Variants in C1D observed in about 807,000 individuals in gnomAD.
The protein encoded by C1D is C1D nuclear receptor corepressor.
In C1D, 10 loss-of-function variants were observed where a neutral mutation model predicts 17.5. The ratio of observed to expected loss-of-function variants is 0.57; its 90% CI spans 0.35 to 0.97. C1D has a LOEUF of 0.97. C1D is among the 50% of genes least tolerant of loss of function. The pLI is 0.01. For missense variants in C1D, 136 were observed against 160.1 expected (o/e 0.85, Z 0.81); for synonymous variants, 49 against 54.0 (o/e 0.91, Z 0.40).
At chr2:68,046,194 T>C in intron 3 of C1D, 150 bp downstream of exon 3, 1 of 786,804 alleles carries the variant, frequency 1.3e-6, no homozygotes, top group Non-Finnish European at 2.1e-6. Flanking sequence ...AATCTATGTG[T>C]GGCTCACTGG....
chr2:68,053,257 G>A, intron 1 of C1D: 1 of 1,494,670 alleles, frequency 6.7e-7, no homozygotes, highest in Non-Finnish European at 9.0e-7. Flanking sequence ...AACCCTAACA[G>A]ATGTTACTGC....
intron 4 of C1D, 125 bp from the exon 5 acceptor site, chr2:68,043,178 C>A: frequency 1.5e-6 from 1 of 672,254 alleles, no homozygotes; most frequent in Non-Finnish European, 2.4e-6. Flanking sequence ...GTGCATGGTG[C>A]TAGGAAATGC....
chr2:68,059,750 T>A (rs1345791634), intron 1 of C1D, among the ~76,000 whole-genome samples: 1 of 152,200 alleles, frequency 6.6e-6, no homozygotes, highest in African/African-American at 2.4e-5. Context: ...TCAGTCTGTC[T>A]CATTTGGTGG....
rs545745554 is a variant in C1D at position 68,056,659 on chromosome 2, T to C, written c.-10+6299A>G. On this transcript the variant is annotated intron_variant, in intron 1 of 4. Coordinates refer to ENST00000410067, the MANE Select transcript of C1D (RefSeq NM_173177.3). ...AAATAATCCAGATGACCAATAAGCA[T>C]AAAGAAAGCTACTCAGCCTTACTGA... Among the ~76,000 whole-genome samples the C allele has an allele frequency of 1.6e-4, 25 of 151,966 alleles. 1 individual carries two copies. In the South Asian group the frequency reaches 5.0e-3, roughly 30 times the overall value.
chr2:68,042,030 A>G lies in C1D; in HGVS notation c.*859T>C, dbSNP rs1421982360. On this transcript the variant is annotated 3_prime_UTR_variant, in exon 5 of 5. Transcript: ENST00000410067. ...CAAAACACTTGTATGTACTTGATACAGCCTCAAAAACATGAAATAAAAAAA... is the reference window on the plus strand; with the variant it reads ...CAAAACACTTGTATGTACTTGATACGGCCTCAAAAACATGAAATAAAAAAA... 1.3e-5 allele frequency: 2 copies of G among 152,070 alleles called. No individual in the cohort carries two copies. Among genetic ancestry groups the G allele is most frequent in the African/African-American group, 4.8e-5 (2 of 41,442 alleles). The allele number at this position is 152,070 out of a possible 1,614,324, so 9.4% of individuals were successfully genotyped here.
intron 1 of C1D, among the ~76,000 whole-genome samples, chr2:68,048,614 G>A (rs954943088): frequency 7.9e-5 from 12 of 151,844 alleles, no homozygotes; most frequent in African/African-American, 2.7e-4. Context: ...GAGACATTTG[G>A]TTTCATTAAA....
intron 1 of C1D, among the ~76,000 whole-genome samples, chr2:68,058,980 G>A (rs2103817209): frequency 6.6e-6 from 1 of 152,290 alleles, no homozygotes; most frequent in Admixed American, 6.5e-5. Flanking sequence ...CCCTCTACTT[G>A]GAATACCCGT....
chr2:68,051,729 C>T (rs1197320465), intron 1 of C1D, among the ~76,000 whole-genome samples: 1 of 151,940 alleles, frequency 6.6e-6, no homozygotes, highest in Non-Finnish European at 1.5e-5. Context: ...TCCTCCCTTA[C>T]CAATACCTTC....
rs949223784 is a variant in C1D, at chr2:68,042,966, A to G, written c.349T>C (p.Phe117Leu). The G allele has an allele frequency of 6.2e-7, 1 of 1,610,880 alleles. No individual in the cohort carries two copies. Among genetic ancestry groups the G allele is most frequent in the African/African-American group, 1.3e-5 (1 of 74,532 alleles). ...GKLDRGAASRFVKNALWEPKS... is the reference protein window; with the variant it reads ...GKLDRGAASRLVKNALWEPKS... Reference sequence around the variant, plus strand: ...GGTTCCCAGAGGGCATTTTTTACAAATCTTGAAGCTGCACCTCTGTCCAGC... The same window carrying G: ...GGTTCCCAGAGGGCATTTTTTACAAGTCTTGAAGCTGCACCTCTGTCCAGC... Residue 117 changes from phenylalanine (F) to leucine (L), a missense_variant, in exon 5 of 5, where the codon TTT becomes CTT. Coordinates refer to ENST00000410067, the MANE Select transcript of C1D (RefSeq NM_173177.3).
At position 68,056,747 on chromosome 2, in the gene C1D, T is replaced by C. The variant is rs534567653; in HGVS notation, c.-10+6211A>G. Among the ~76,000 whole-genome samples, 4 of 152,112 alleles carry C rather than the reference T, an allele frequency of 2.6e-5. No homozygotes were observed. The South Asian group carries it at 6.2e-4, about 24-fold the overall frequency. Reference sequence around the variant, plus strand: ...TTTTCATCTGTCAAATAGGGAAAAATTAAAAAGATTAATAGTACTAAAATG... The same window carrying C: ...TTTTCATCTGTCAAATAGGGAAAAACTAAAAAGATTAATAGTACTAAAATG... On this transcript the variant is annotated intron_variant, in intron 1 of 4. Transcript: ENST00000410067.
chr2:68,057,105 T>C (rs993879316), intron 1 of C1D, among the ~76,000 whole-genome samples: 3 of 152,180 alleles, frequency 2.0e-5, no homozygotes, highest in Non-Finnish European at 2.9e-5. Context: ...TCCTAAGATA[T>C]ATTAAGTGAA....
intron 1 of C1D, among the ~76,000 whole-genome samples, chr2:68,056,765 C>T (rs752621932): frequency 6.6e-6 from 1 of 152,220 alleles, no homozygotes; most frequent in South Asian, 2.1e-4. Context: ...ATTAATAGTA[C>T]TAAAATGGAC....
intron 1 of C1D, among the ~76,000 whole-genome samples, chr2:68,054,278 A>G (rs1336165946): frequency 5.3e-5 from 8 of 152,238 alleles, no homozygotes; most frequent in South Asian, 2.1e-4. Flanking sequence ...GCTGGAGAAC[A>G]GAAGCATCAG....
intron 1 of C1D, among the ~76,000 whole-genome samples, chr2:68,049,314 C>A (rs753820417): frequency 6.6e-6 from 1 of 152,004 alleles, no homozygotes; most frequent in African/African-American, 2.4e-5. Context: ...GAGCCATAAG[C>A]GCTGAAAATA....
intron 1 of C1D, among the ~76,000 whole-genome samples, chr2:68,054,243 T>C (rs958399225): frequency 6.6e-6 from 1 of 152,200 alleles, no homozygotes; most frequent in African/African-American, 2.4e-5. Flanking sequence ...TCTCTGACCC[T>C]TACTACCGCT....
intron 1 of C1D, among the ~76,000 whole-genome samples, chr2:68,060,862 A>C (rs1028999418): frequency 1.3e-5 from 2 of 152,210 alleles, no homozygotes; most frequent in African/African-American, 4.8e-5. Context: ...TGAACTCCAC[A>C]TCACTAACAT....
rs1163822538 is a variant in C1D at position 68,042,427 on chromosome 2, G to A, written c.*462C>T. 6.5e-6 allele frequency: 1 copy of A among 152,830 alleles called. No individual in the cohort carries two copies. Among genetic ancestry groups the A allele is most frequent in the Non-Finnish European group, 1.5e-5 (1 of 68,248 alleles). 9.5% of individuals were successfully genotyped at this position (152,830 alleles called of 1,614,324 possible). On this transcript the variant is annotated 3_prime_UTR_variant, in exon 5 of 5. Transcript: ENST00000410067. Reference sequence around the variant, plus strand: ...CCTAAAATCATGAAAACATGATAAAGTATCTATACAGAAAAAAATGAACAT... The same window carrying A: ...CCTAAAATCATGAAAACATGATAAAATATCTATACAGAAAAAAATGAACAT...
At chr2:68,057,146 T>A (rs1198776651) in intron 1 of C1D, among the ~76,000 whole-genome samples, 4 of 151,884 alleles carry the variant, frequency 2.6e-5, no homozygotes, top group Non-Finnish European at 5.9e-5. Context: ...GTATAATACA[T>A]CCTATTTATT....
intron 2 of C1D, 96 bp from the exon 3 acceptor site, chr2:68,046,506 A>G (rs1236262726): frequency 1.0e-5 from 8 of 795,844 alleles, no homozygotes; most frequent in Non-Finnish European, 1.3e-5. Flanking sequence ...GACTTTTACC[A>G]AGTACAATGT....
Sources: gnomAD v4.1 joint callset for allele counts (sites outside exome capture counted in the v4.1 genomes callset) on GRCh38, gnomAD v4.1.1 for gene constraint, MANE v1.5 for transcripts, NCBI Gene and HGNC (gene_info 2026-07-23, HGNC 2026-07-21) for gene names.